Variants in PPM1E observed in about 807,000 individuals in gnomAD.
PPM1E encodes the protein protein phosphatase 1E.
PPM1E carries 20 observed loss-of-function variants against 65.9 expected under a neutral mutation model. The ratio of observed to expected loss-of-function variants is 0.30; its 90% CI spans 0.21 to 0.44. The LOEUF (loss-of-function observed/expected upper bound fraction) is 0.44, where lower values mean the gene tolerates loss of function less well. Ranked by LOEUF, PPM1E falls within the 20% of genes least tolerant of loss-of-function variation. PPM1E has a pLI of 1.00. For synonymous variants in PPM1E, 352 were observed against 374.9 expected (o/e 0.94, Z 0.70); for missense variants, 713 against 953.1 (o/e 0.75, Z 3.32).
At chr17:58,875,900 C>G (rs895614884) in intron 1 of PPM1E, among the ~76,000 whole-genome samples, 1 of 152,120 alleles carries the variant, frequency 6.6e-6, no homozygotes, top group African/African-American at 2.4e-5. Flanking sequence ...CACATCTGTA[C>G]TATCATTAAT....
At chr17:58,954,850 AGTCTAGGCAACAGAGCAAGAGTCTCTCTC>A (rs1385889681) in intron 1 of PPM1E, among the ~76,000 whole-genome samples, 1 of 147,194 alleles carries the variant, frequency 6.8e-6, no homozygotes, top group Non-Finnish European at 1.5e-5. Flanking sequence ...ACTGCACTCC[AGTCTAGGCAACAGAGCAAGAGTCTCTCTC>A]AAAAAAAAAA....
chr17:58,816,213 T>C (rs995633380), intron 1 of PPM1E, among the ~76,000 whole-genome samples: 7 of 151,628 alleles, frequency 4.6e-5, no homozygotes, highest in African/African-American at 1.7e-4. Context: ...TTTAGTAGAG[T>C]TGGGGTTTTA....
intron 1 of PPM1E, among the ~76,000 whole-genome samples, chr17:58,894,064 C>A (rs2051381369): frequency 1.3e-5 from 2 of 151,920 alleles, no homozygotes; most frequent in African/African-American, 2.4e-5. Context: ...CAGATCAAGA[C>A]CCTGTCTCAA....
At chr17:58,770,913 G>C (rs2049931201) in intron 1 of PPM1E, among the ~76,000 whole-genome samples, 1 of 150,652 alleles carries the variant, frequency 6.6e-6, no homozygotes, top group Admixed American at 6.6e-5. Context: ...CTGGAGTGCA[G>C]TGGCACAATC....
chr17:58,935,597 A>G (rs942613183), intron 1 of PPM1E, among the ~76,000 whole-genome samples: 2 of 152,190 alleles, frequency 1.3e-5, no homozygotes, highest in African/African-American at 2.4e-5. Context: ...GTCATGGAGA[A>G]AGGATGACAA....
intron 1 of PPM1E, among the ~76,000 whole-genome samples, chr17:58,800,146 A>C (rs1055964556): frequency 6.6e-6 from 1 of 152,086 alleles, no homozygotes; most frequent in South Asian, 2.1e-4. Flanking sequence ...AACTTTGTCA[A>C]ATTTTTTTTT....
intron 3 of PPM1E, among the ~76,000 whole-genome samples, chr17:58,966,918 G>A (rs992706277): frequency 3.3e-5 from 5 of 152,112 alleles, no homozygotes; most frequent in African/African-American, 1.2e-4. Flanking sequence ...TATAAAGATA[G>A]ATCAGCTGAT....
chr17:58,764,329 C>T (rs1354246487), intron 1 of PPM1E, among the ~76,000 whole-genome samples: 5 of 152,030 alleles, frequency 3.3e-5, no homozygotes, highest in Non-Finnish European at 5.9e-5. Context: ...CATATCTAAC[C>T]ATTTTTAATT....
intron 1 of PPM1E, among the ~76,000 whole-genome samples, chr17:58,776,406 A>C (rs934878238): frequency 3.9e-5 from 6 of 152,202 alleles, no homozygotes; most frequent in African/African-American, 1.4e-4. Flanking sequence ...AGAACACATA[A>C]TGGATTCTTA....
chr17:58,967,016 G>T (rs1272649868), intron 3 of PPM1E, among the ~76,000 whole-genome samples: 1 of 152,156 alleles, frequency 6.6e-6, no homozygotes, highest in Non-Finnish European at 1.5e-5. Flanking sequence ...CCTACTTGAA[G>T]ATTATACTCA....
intron 1 of PPM1E, among the ~76,000 whole-genome samples, chr17:58,879,389 C>T (rs796400329): frequency 1.0e-4 from 15 of 150,368 alleles, no homozygotes; most frequent in African/African-American, 3.4e-4. Context: ...TCAGCTTCTA[C>T]GGGTGTGTAC....
At chr17:58,783,198 A>G (rs1046211773) in intron 1 of PPM1E, among the ~76,000 whole-genome samples, 1 of 152,252 alleles carries the variant, frequency 6.6e-6, no homozygotes, top group Admixed American at 6.5e-5. Flanking sequence ...CAGAAATGAC[A>G]AAGCTTGATG....
chr17:58,979,119 G>C (rs1199949528), intron 6 of PPM1E, among the ~76,000 whole-genome samples: 1 of 152,214 alleles, frequency 6.6e-6, no homozygotes, highest in Non-Finnish European at 1.5e-5. Context: ...AAAAGGAAGA[G>C]AGAAAGGCCC....
At chr17:58,871,359 G>C (rs920089075) in intron 1 of PPM1E, among the ~76,000 whole-genome samples, 9 of 151,948 alleles carry the variant, frequency 5.9e-5, no homozygotes, top group African/African-American at 2.2e-4. Context: ...TCTTCTTAAG[G>C]GTTTTCCTGT....
At chr17:58,767,759 T>A (rs1407059009) in intron 1 of PPM1E, among the ~76,000 whole-genome samples, 1 of 151,198 alleles carries the variant, frequency 6.6e-6, no homozygotes. Flanking sequence ...TCTCCTGCCT[T>A]AGGCTCCCGA....
At chr17:58,830,800 TC>T (rs1359919237) in intron 1 of PPM1E, among the ~76,000 whole-genome samples, 3 of 151,708 alleles carry the variant, frequency 2.0e-5, no homozygotes, top group African/African-American at 7.3e-5. Flanking sequence ...TACTCCTGCC[TC>T]AGTCTCCCAA....
intron 1 of PPM1E, among the ~76,000 whole-genome samples, chr17:58,805,994 A>AC (rs1567838958): frequency 3.4e-5 from 4 of 118,290 alleles, no homozygotes; most frequent in Non-Finnish European, 6.7e-5. Flanking sequence ...ACAAAACAAA[A>AC]CAAAACAAAA....
At chr17:58,776,310 G>C (rs150903601) in intron 1 of PPM1E, among the ~76,000 whole-genome samples, 2 of 152,286 alleles carry the variant, frequency 1.3e-5, no homozygotes, top group East Asian at 3.9e-4. Flanking sequence ...CTGGATGACA[G>C]AGGAGACCCT....
At chr17:58,918,577 T>G (rs1210935552) in intron 1 of PPM1E, among the ~76,000 whole-genome samples, 5 of 151,808 alleles carry the variant, frequency 3.3e-5, no homozygotes, top group Non-Finnish European at 5.9e-5. Context: ...AGGCTGAGGC[T>G]GGTGGATTGC....
Sources: allele counts gnomAD v4.1 joint callset (sites outside exome capture counted in the v4.1 genomes callset), GRCh38; gene constraint gnomAD v4.1.1; transcripts MANE v1.5; gene names NCBI Gene and HGNC (gene_info 2026-07-23, HGNC 2026-07-21).